The following SPACA7 variants were observed in gnomAD, a reference collection of about 807,000 sequenced individuals.
The protein encoded by SPACA7 is sperm acrosome-associated protein 7.
SPACA7 carries 19 observed loss-of-function variants against 26.3 expected under a neutral mutation model. That is an observed-to-expected ratio of 0.72 (90% CI 0.50 to 1.06). The LOEUF (loss-of-function observed/expected upper bound fraction) is 1.06, where lower values mean the gene tolerates loss of function less well. SPACA7 is among the 50% of genes least tolerant of loss of function. The pLI is 0.00. For synonymous variants in SPACA7, 84 were observed against 84.5 expected, an observed-to-expected ratio of 0.99 and a Z score of 0.04; for missense variants, 211 against 229.9, an observed-to-expected ratio of 0.92 and a Z score of 0.53.
intron 5 of SPACA7, among the ~76,000 whole-genome samples, chr13:112,430,174 C>CTGTGTGTG (rs61438595): frequency 0.023 from 3,090 of 134,264 alleles, 68 homozygotes; most frequent in African/African-American, 0.055. Flanking sequence ...ATCTCTCTCT[C>CTGTGTGTG]TGTGTGTGTG....
In SPACA7 at chr13:112,434,590, T is replaced by C; in HGVS notation, c.*41T>C. ...CCCCCTGCGCAGGAGAGGAGCCTGC[T>C]AGAACCCCCACCCACCAGCCTCCGG... On this transcript the variant is annotated 3_prime_UTR_variant, in exon 7 of 7. Coordinates refer to ENST00000283550, the MANE Select transcript of SPACA7 (RefSeq NM_145248.5). 1 of 1,527,706 alleles carries C rather than the reference T, an allele frequency of 6.5e-7. No individual in the cohort carries two copies. The highest frequency in any genetic ancestry group is 8.9e-7 in the Non-Finnish European group (1 of 1,120,420). The allele number at this position is 1,527,706 out of a possible 1,614,324, so 94.6% of individuals were successfully genotyped here.
At chr13:112,401,284 A>T in intron 5 of SPACA7, 120 bp downstream of exon 5, 2 of 700,132 alleles carry the variant, frequency 2.9e-6, no homozygotes, top group Non-Finnish European at 4.9e-6. Flanking sequence ...GTTTCCACCA[A>T]CATCATGGTG....
At chr13:112,431,123 T>C (rs183416441) in intron 5 of SPACA7, among the ~76,000 whole-genome samples, 1 of 152,338 alleles carries the variant, frequency 6.6e-6, no homozygotes, top group East Asian at 1.9e-4. Context: ...ACTTAAAAAT[T>C]GTTCAATGGG....
intron 2 of SPACA7, among the ~76,000 whole-genome samples, chr13:112,396,386 C>T (rs1326047710): frequency 6.6e-6 from 1 of 152,032 alleles, no homozygotes; most frequent in Non-Finnish European, 1.5e-5. Context: ...TCTGCCTGCC[C>T]CCATTTGCCC....
At chr13:112,390,383 C>A (rs553312506) in intron 1 of SPACA7, among the ~76,000 whole-genome samples, 178 of 152,250 alleles carry the variant, frequency 1.2e-3, no homozygotes, top group Middle Eastern at 3.4e-3. Context: ...TTTCAGTAAA[C>A]GGAAGAACCT....
In SPACA7 at chr13:112,434,283, G is replaced by A. The variant is rs575363613; in HGVS notation, c.524-202G>A. ...AAATGACACTGGACAGGGTGGCCCC[G>A]CAGGGAGAGCCAAAGGCAGCCTGAC... On this transcript the variant is annotated intron_variant, in intron 6 of 6. Coordinates refer to ENST00000283550, the MANE Select transcript of SPACA7 (RefSeq NM_145248.5). Among the ~76,000 whole-genome samples the A allele has an allele frequency of 2.6e-3, 395 of 152,250 alleles. 5 individuals are homozygous for A. The highest frequency in any genetic ancestry group is 8.3e-3 in the African/African-American group (346 of 41,552).
chr13:112,428,561 C>A (rs7993943), intron 5 of SPACA7, among the ~76,000 whole-genome samples: 229 of 151,902 alleles, frequency 1.5e-3, no homozygotes, highest in African/African-American at 5.4e-3. Flanking sequence ...GTCTGGGTGA[C>A]AAAGCGAGAC....
At chr13:112,392,166 C>T (rs991217307) in intron 1 of SPACA7, among the ~76,000 whole-genome samples, 5 of 152,128 alleles carry the variant, frequency 3.3e-5, no homozygotes, top group African/African-American at 7.2e-5. Context: ...TGCCCCAGGA[C>T]GCTGAGACGC....
chr13:112,380,374 C>T (rs1883969751), intron 1 of SPACA7, among the ~76,000 whole-genome samples: 1 of 137,064 alleles, frequency 7.3e-6, no homozygotes, highest in East Asian at 2.0e-4. Context: ...CATTGCACTC[C>T]AGCCTAGGCA....
chr13:112,376,915 T>C (rs996503711), intron 1 of SPACA7, among the ~76,000 whole-genome samples: 2 of 152,206 alleles, frequency 1.3e-5, no homozygotes, highest in African/African-American at 4.8e-5. Context: ...AAAAGCATTA[T>C]CTACAATGTC....
intron 5 of SPACA7, among the ~76,000 whole-genome samples, chr13:112,423,498 A>G (rs1177129075): frequency 6.6e-6 from 1 of 152,164 alleles, no homozygotes; most frequent in African/African-American, 2.4e-5. Flanking sequence ...GATGAGTGGA[A>G]CAGCAGATCT....
At chr13:112,383,133 G>GA (rs1199808228) in intron 1 of SPACA7, among the ~76,000 whole-genome samples, 167 of 3,138 alleles carry the variant, frequency 0.053, 6 homozygotes, top group African/African-American at 0.11. Context: ...AAGAAAGAAA[G>GA]AAAGAAAGAA....
intron 2 of SPACA7, among the ~76,000 whole-genome samples, chr13:112,396,496 T>C (rs1192257911): frequency 1.3e-5 from 2 of 152,138 alleles, no homozygotes; most frequent in African/African-American, 4.8e-5. Context: ...CTGGCTGGAA[T>C]GGGGTAGAGA....
chr13:112,405,002 T>TTA (rs1427698085), intron 5 of SPACA7, among the ~76,000 whole-genome samples: 18 of 129,596 alleles, frequency 1.4e-4, no homozygotes, highest in African/African-American at 5.1e-4. Context: ...TTTTTTTTTT[T>TTA]AAGACAGTCT....
intron 5 of SPACA7, among the ~76,000 whole-genome samples, chr13:112,430,497 C>T (rs1157159604): frequency 1.3e-5 from 2 of 152,116 alleles, no homozygotes; most frequent in Non-Finnish European, 2.9e-5. Flanking sequence ...CCATCCTTTC[C>T]AGACATTAAA....
intron 5 of SPACA7, among the ~76,000 whole-genome samples, chr13:112,405,513 T>C (rs933868970): frequency 4.6e-5 from 7 of 152,232 alleles, no homozygotes; most frequent in African/African-American, 1.7e-4. Flanking sequence ...TCTAGTTTTA[T>C]TGCCCTGTGA....
chr13:112,397,789 A>T (rs1484289046), intron 2 of SPACA7, among the ~76,000 whole-genome samples: 1 of 152,182 alleles, frequency 6.6e-6, no homozygotes, highest in African/African-American at 2.4e-5. Context: ...CCAGCCTTGT[A>T]CCTTTGGGGG....
At chr13:112,381,850 T>C (rs1884090893) in intron 1 of SPACA7, among the ~76,000 whole-genome samples, 1 of 152,128 alleles carries the variant, frequency 6.6e-6, no homozygotes, top group Admixed American at 6.5e-5. Context: ...ATCTGGGTGG[T>C]GCCGGCTGAT....
At chr13:112,378,140 G>A (rs537772766) in intron 1 of SPACA7, among the ~76,000 whole-genome samples, 1 of 152,288 alleles carries the variant, frequency 6.6e-6, no homozygotes, top group Middle Eastern at 3.4e-3. Context: ...TCAGGCTTTA[G>A]TTCTCACTAA....
Sources: gnomAD v4.1 joint callset for allele counts (sites outside exome capture counted in the v4.1 genomes callset) on GRCh38, gnomAD v4.1.1 for gene constraint, MANE v1.5 for transcripts, NCBI Gene and HGNC (gene_info 2026-07-23, HGNC 2026-07-21) for gene names.